DLC1: variants seen among roughly 807,000 people sequenced by gnomAD.
DLC1 encodes the protein rho GTPase-activating protein 7.
Under a neutral mutation model 140.3 loss-of-function variants are expected in DLC1, and 54 were observed. The observed-to-expected ratio is 0.38, with a 90% confidence interval of 0.31 to 0.48. The LOEUF (loss-of-function observed/expected upper bound fraction) is 0.48. Ranked by LOEUF, DLC1 falls within the 20% of genes least tolerant of loss-of-function variation. The pLI is 0.96. For missense variants in DLC1, 2,536 were observed against 1,907.0 expected, an observed-to-expected ratio of 1.33 and a Z score of -6.14; for synonymous variants, 986 against 728.1, an observed-to-expected ratio of 1.35 and a Z score of -5.70.
intron 5 of DLC1, among the ~76,000 whole-genome samples, chr8:13,158,471 G>A (rs984309648): frequency 3.3e-5 from 5 of 152,176 alleles, no homozygotes; most frequent in African/African-American, 1.2e-4. Context: ...AAACAAAGGT[G>A]AATCTTGTTA....
chr8:13,587,602 CATATAT>C (rs3066503), intron 1 of DLC1, among the ~76,000 whole-genome samples: 29,577 of 141,904 alleles, frequency 0.21, 3,332 homozygotes, highest in Middle Eastern at 0.31. Context: ...ATATACATTG[CATATAT>C]ATATATATAT....
At chr8:13,175,701 G>C (rs879498651) in intron 5 of DLC1, among the ~76,000 whole-genome samples, 4 of 152,142 alleles carry the variant, frequency 2.6e-5, no homozygotes, top group Non-Finnish European at 5.9e-5. Context: ...ACTTGAGTCA[G>C]ATTTTACCAA....
At chr8:13,375,503 T>C (rs1835935099) in intron 4 of DLC1, among the ~76,000 whole-genome samples, 1 of 152,168 alleles carries the variant, frequency 6.6e-6, no homozygotes, top group South Asian at 2.1e-4. Context: ...CCTTTATTTC[T>C]TTCTCCTGCC....
At chr8:13,170,459 G>A (rs527576927) in intron 5 of DLC1, among the ~76,000 whole-genome samples, 103 of 152,214 alleles carry the variant, frequency 6.8e-4, no homozygotes, top group African/African-American at 2.2e-3. Context: ...GGCCGGGCGC[G>A]GTGGCTCACG....
chr8:13,496,385 T>C (rs1018766895), intron 2 of DLC1, among the ~76,000 whole-genome samples: 14 of 152,194 alleles, frequency 9.2e-5, no homozygotes, highest in Non-Finnish European at 1.3e-4. Context: ...GTTCAGTGTA[T>C]GCATTTCATA....
At chr8:13,331,479 G>A (rs939620602) in intron 4 of DLC1, among the ~76,000 whole-genome samples, 2 of 152,108 alleles carry the variant, frequency 1.3e-5, no homozygotes, top group Non-Finnish European at 2.9e-5. Flanking sequence ...TTATTATGAG[G>A]ATAAATAGTG....
At chr8:13,330,389 A>G (rs1242118724) in intron 4 of DLC1, among the ~76,000 whole-genome samples, 3 of 152,216 alleles carry the variant, frequency 2.0e-5, no homozygotes, top group Non-Finnish European at 2.9e-5. Context: ...ATTTTTACAT[A>G]TTCAATGGAA....
intron 2 of DLC1, among the ~76,000 whole-genome samples, chr8:13,470,473 C>T (rs994269557): frequency 5.4e-4 from 82 of 152,304 alleles, no homozygotes; most frequent in African/African-American, 1.8e-3. Context: ...ATAGACATTT[C>T]TCCAAAGAAG....
chr8:13,206,512 G>T (rs1033000383), intron 5 of DLC1, among the ~76,000 whole-genome samples: 4 of 152,074 alleles, frequency 2.6e-5, no homozygotes, highest in Admixed American at 2.6e-4. Context: ...AAAGACCAAT[G>T]AGGTGATAGT....
intron 4 of DLC1, among the ~76,000 whole-genome samples, chr8:13,351,126 T>C (rs558121768): frequency 2.6e-5 from 4 of 152,364 alleles, no homozygotes; most frequent in Admixed American, 2.6e-4. Context: ...TTCAAAATTC[T>C]TTCTAAATAT....
intron 1 of DLC1, among the ~76,000 whole-genome samples, chr8:13,575,800 A>T (rs887853650): frequency 6.6e-6 from 1 of 152,182 alleles, no homozygotes; most frequent in Non-Finnish European, 1.5e-5. Flanking sequence ...TGAGAAGTAA[A>T]ATGAGTGCCT....
At chr8:13,210,486 G>C (rs891973997) in intron 5 of DLC1, among the ~76,000 whole-genome samples, 1 of 152,142 alleles carries the variant, frequency 6.6e-6, no homozygotes, top group African/African-American at 2.4e-5. Context: ...TGCTAACCCT[G>C]CTAATAGGTG....
chr8:13,452,246 T>TA (rs1376421562), intron 2 of DLC1, among the ~76,000 whole-genome samples: 1 of 151,852 alleles, frequency 6.6e-6, no homozygotes, highest in Non-Finnish European at 1.5e-5. Flanking sequence ...TAAACATGTA[T>TA]AAAAACTAAC....
intron 5 of DLC1, among the ~76,000 whole-genome samples, chr8:13,296,719 T>C (rs372136705): frequency 6.6e-5 from 10 of 150,718 alleles, no homozygotes; most frequent in Non-Finnish European, 1.0e-4. Flanking sequence ...AGGTTTCTGC[T>C]TTCAAGGAGC....
In DLC1 at chr8:13,234,769, A is replaced by G. The variant is rs577769920; in HGVS notation, c.1348+70500T>C. 6.0e-4 allele frequency among the ~76,000 whole-genome samples: 91 copies of G among 152,260 alleles called. 1 individual carries two copies. The South Asian group carries it at 0.015, about 24-fold the overall frequency. On this transcript the variant is annotated intron_variant, in intron 5 of 17. Coordinates refer to ENST00000276297, the MANE Select transcript of DLC1 (RefSeq NM_182643.3). ...AGCCACATTAAATCGGATAAAGCTCATGAATGCTGAAAAGTTAAATTTGGT... is the reference window on the plus strand; with the variant it reads ...AGCCACATTAAATCGGATAAAGCTCGTGAATGCTGAAAAGTTAAATTTGGT...
intron 2 of DLC1, among the ~76,000 whole-genome samples, chr8:13,403,130 A>T (rs886162152): frequency 6.6e-6 from 1 of 152,222 alleles, no homozygotes; most frequent in Non-Finnish European, 1.5e-5. Flanking sequence ...TTTTTGAGGT[A>T]TGCTAATTCC....
chr8:13,141,180 G>C (rs1054342286), intron 5 of DLC1, among the ~76,000 whole-genome samples: 2 of 148,780 alleles, frequency 1.3e-5, no homozygotes, highest in Non-Finnish European at 3.0e-5. Context: ...ACTTGAATCT[G>C]GGAGGTGGAG....
chr8:13,418,930 G>A lies in DLC1; in HGVS notation c.1024-17311C>T, dbSNP rs564473722. On this transcript the variant is annotated intron_variant, in intron 2 of 17. Transcript: ENST00000276297. ...AGTTCTCCTTGAAGAGGTCCTTCAC[G>A]TCCCTTGTAAGTTGGATTCCTAAGT... Among the ~76,000 whole-genome samples, 292 of 151,704 alleles carry A rather than the reference G, an allele frequency of 1.9e-3. 1 individual carries two copies. The highest frequency in any genetic ancestry group is 6.4e-3 in the African/African-American group (264 of 41,364).
At chr8:13,270,177 T>C (rs183819169) in intron 5 of DLC1, among the ~76,000 whole-genome samples, 12 of 152,360 alleles carry the variant, frequency 7.9e-5, no homozygotes, top group Admixed American at 5.2e-4. Context: ...CTTTGCTTTA[T>C]GAGATAGCCT....
Sources: allele counts gnomAD v4.1 joint callset (sites outside exome capture counted in the v4.1 genomes callset), GRCh38; gene constraint gnomAD v4.1.1; transcripts MANE v1.5; gene names NCBI Gene and HGNC (gene_info 2026-07-23, HGNC 2026-07-21).